FBLIM1: variants seen among roughly 807,000 people sequenced by gnomAD.
The protein encoded by FBLIM1 is filamin-binding LIM protein 1.
A neutral mutation model predicts 37.4 loss-of-function variants in FBLIM1; 29 were observed. That is an observed-to-expected ratio of 0.77 (90% CI 0.58 to 1.06). FBLIM1 has a LOEUF of 1.06. Among genes scored for constraint, FBLIM1 ranks in the 50% least tolerant of loss-of-function variants. FBLIM1 has a pLI of 0.00. For missense variants in FBLIM1, 449 were observed against 505.6 expected (o/e 0.89, Z 1.07); for synonymous variants, 193 against 199.0 (o/e 0.97, Z 0.25).
chr1:15,763,162 C>T (rs1287687273), intron 1 of FBLIM1, among the ~76,000 whole-genome samples: 1 of 151,698 alleles, frequency 6.6e-6, no homozygotes, highest in Non-Finnish European at 1.5e-5. Context: ...TCCACTCCCA[C>T]GGGTTCAAGT....
At chr1:15,776,139 C>T (rs903948762) in intron 7 of FBLIM1, among the ~76,000 whole-genome samples, 1 of 151,978 alleles carries the variant, frequency 6.6e-6, no homozygotes, top group Non-Finnish European at 1.5e-5. Flanking sequence ...CATATGGGGC[C>T]GGGCGCGGTA....
At position 15,770,525 on chromosome 1, in the gene FBLIM1, G is replaced by A; in HGVS notation, c.658G>A (p.Gly220Arg). The part of the protein sequence containing the change: ...TCRTCRRQLA[G>R]QSFYQKDGRP... ...CCGCACCTGCCGCCGCCAGCTGGCTGGGCAGAGCTTCTACCAGAAGGATGG... is the reference window on the plus strand; with the variant it reads ...CCGCACCTGCCGCCGCCAGCTGGCTAGGCAGAGCTTCTACCAGAAGGATGG... Residue 220 changes from glycine (G) to arginine (R), a missense_variant, in exon 6 of 9, where the codon GGG becomes AGG. Transcript: ENST00000375766. 6.2e-7 allele frequency: 1 copy of A among 1,613,930 alleles called. No homozygotes were observed. The highest frequency in any genetic ancestry group is 1.1e-5 in the South Asian group (1 of 91,070).
intron 7 of FBLIM1, 22 bp from the exon 8 acceptor site, chr1:15,777,148 G>C: frequency 6.3e-7 from 1 of 1,579,194 alleles, no homozygotes; most frequent in Non-Finnish European, 8.7e-7. Flanking sequence ...CGCCTCCCAA[G>C]CATGGGTTCC....
intron 8 of FBLIM1, among the ~76,000 whole-genome samples, chr1:15,782,130 G>A (rs1036645729): frequency 1.3e-5 from 2 of 151,974 alleles, no homozygotes; most frequent in African/African-American, 4.8e-5. Context: ...TGGGGAAACT[G>A]GTGGGGTGTG....
At chr1:15,781,520 C>CAAAAA (rs1283687524) in intron 8 of FBLIM1, among the ~76,000 whole-genome samples, 2 of 25,182 alleles carry the variant, frequency 7.9e-5, no homozygotes, top group East Asian at 1.6e-3. Flanking sequence ...GACTCTGTCT[C>CAAAAA]AAAAAAAAAA....
At chr1:15,760,548 AAAAAG>A (rs993928684) in intron 1 of FBLIM1, among the ~76,000 whole-genome samples, 3 of 150,134 alleles carry the variant, frequency 2.0e-5, no homozygotes, top group Non-Finnish European at 4.4e-5. Context: ...AAAAAAAAAA[AAAAAG>A]AACAGAGCTT....
At chr1:15,771,191 AC>A (rs1427160207) in intron 6 of FBLIM1, among the ~76,000 whole-genome samples, 1 of 136,500 alleles carries the variant, frequency 7.3e-6, no homozygotes, top group Non-Finnish European at 1.6e-5. Flanking sequence ...ACCCACCTCG[AC>A]CTCCCAAAGT....
At chr1:15,775,534 C>CAA (rs1161761535) in intron 7 of FBLIM1, among the ~76,000 whole-genome samples, 2,150 of 84,284 alleles carry the variant, frequency 0.026, 63 homozygotes, top group African/African-American at 0.085. Context: ...GACTCTGTCT[C>CAA]AAAAAAAAAA....
chr1:15,762,359 G>A (rs1487936949), intron 1 of FBLIM1, among the ~76,000 whole-genome samples: 1 of 151,068 alleles, frequency 6.6e-6, no homozygotes, highest in Non-Finnish European at 1.5e-5. Flanking sequence ...CGCCTCCCGG[G>A]TTCAAGCAAT....
At chr1:15,758,497 A>T (rs2068501343), upstream of FBLIM1, 1 of 148,518 alleles carries the variant, frequency 6.7e-6, no homozygotes, top group African/African-American at 2.5e-5. This position sits in a 1 kb window ranked among gnomAD's most constrained non-coding sequence, Gnocchi z 6.2. Flanking sequence ...CCCACTCCCC[A>T]TCCCTCCCAT....
intron 6 of FBLIM1, among the ~76,000 whole-genome samples, 160 bp from the exon 7 acceptor site, chr1:15,774,458 G>A (rs529794108): frequency 6.6e-6 from 1 of 152,356 alleles, no homozygotes; most frequent in African/African-American, 2.4e-5. Context: ...TTTGTTATAA[G>A]CAATGGTGGA....
chr1:15,778,829 A>G (rs919716953), intron 8 of FBLIM1, among the ~76,000 whole-genome samples: 11 of 151,636 alleles, frequency 7.3e-5, no homozygotes, highest in African/African-American at 2.4e-4. Context: ...TTTAGTAAAG[A>G]TGTGGTTTCT....
At position 15,784,588 on chromosome 1, in the gene FBLIM1, G is replaced by C; in HGVS notation, c.1049G>C (p.Gly350Ala). The change falls in exon 9 of 9, where the codon GGC (glycine) becomes GCC (alanine). Residue 350 changes from glycine to alanine, a missense_variant. Physicochemically the swap from Gly to Ala is moderately conservative, Grantham distance 60. Coordinates refer to ENST00000375766, the MANE Select transcript of FBLIM1 (RefSeq NM_017556.4). ...ILLSVEPTDQGCYPLNNHLFC... is the reference protein window; with the variant it reads ...ILLSVEPTDQACYPLNNHLFC... The stretch of plus-strand genomic sequence containing the variant: ...CTGTCTGTCGAGCCCACGGACCAAG[G>C]CTGCTACCCCCTGAACAACCATCTC... 6.2e-7 allele frequency: 1 copy of C among 1,614,118 alleles called. No homozygotes were observed. The highest frequency in any genetic ancestry group is 8.5e-7 in the Non-Finnish European group (1 of 1,179,984).
At chr1:15,762,452 A>G (rs971707024) in intron 1 of FBLIM1, among the ~76,000 whole-genome samples, 2 of 151,966 alleles carry the variant, frequency 1.3e-5, no homozygotes, top group Non-Finnish European at 2.9e-5. Flanking sequence ...TAGTAGAGAC[A>G]GGGTTTCACC....
Position 15,771,006 on chromosome 1 carries a change from G to A in FBLIM1, c.711+428G>A, listed in dbSNP as rs6666460. ...CCAGGCTGGAGTGCAGTGGCACGAT[G>A]TCAGCTCACTGCAACCTCGGCCACC... is the stretch of plus-strand genomic sequence containing the variant. On this transcript the variant is annotated intron_variant, in intron 6 of 8. Coordinates refer to ENST00000375766, the MANE Select transcript of FBLIM1 (RefSeq NM_017556.4). 8.2e-3 allele frequency among the ~76,000 whole-genome samples: 1,253 copies of A among 152,032 alleles called. 17 individuals carry two copies. Among genetic ancestry groups the A allele is most frequent in the African/African-American group, 0.029 (1,203 of 41,474 alleles).
At chr1:15,777,610 T>C (rs1424262135) in intron 8 of FBLIM1, among the ~76,000 whole-genome samples, 1 of 150,200 alleles carries the variant, frequency 6.7e-6, no homozygotes, top group African/African-American at 2.5e-5. Context: ...GTCTTACTCT[T>C]GTTGCCAGGC....
In FBLIM1 at chr1:15,770,741, T is replaced by TA. The variant is rs1044596233; in HGVS notation, c.711+163_711+164insA. 2.2e-4 allele frequency among the ~76,000 whole-genome samples: 33 copies of TA among 152,298 alleles called. No homozygotes were observed. In the East Asian group the frequency reaches 3.3e-3, roughly 15 times the overall value. Reference sequence around the variant, plus strand: ...AAAGAAGGAGCCCAGTGAAGGCGATTGGTTTCCTAGGGCTGCCTGTAAGAG... The same window carrying TA: ...AAAGAAGGAGCCCAGTGAAGGCGATTAGGTTTCCTAGGGCTGCCTGTAAGAG... On this transcript the variant is annotated intron_variant, in intron 6 of 8. Coordinates refer to ENST00000375766, the MANE Select transcript of FBLIM1 (RefSeq NM_017556.4).
At chr1:15,779,978 C>A (rs1384960672) in intron 8 of FBLIM1, among the ~76,000 whole-genome samples, 1 of 152,052 alleles carries the variant, frequency 6.6e-6, no homozygotes, top group Non-Finnish European at 1.5e-5. Context: ...CTTTTGGGCT[C>A]AAGCAGTTCT....
intron 8 of FBLIM1, among the ~76,000 whole-genome samples, chr1:15,782,144 G>T (rs1017256096): frequency 3.3e-5 from 5 of 151,952 alleles, no homozygotes; most frequent in African/African-American, 4.8e-5. Flanking sequence ...GGGTGTGGTG[G>T]CTCACACCTG....
Sources: gnomAD v4.1 joint callset for allele counts (sites outside exome capture counted in the v4.1 genomes callset) on GRCh38, gnomAD v4.1.1 for gene constraint, Gnocchi (gnomAD v3.1) non-coding constraint, MANE v1.5 for transcripts, NCBI Gene and HGNC (gene_info 2026-07-23, HGNC 2026-07-21) for gene names.